PRKAG2: variants seen among roughly 807,000 people sequenced by gnomAD.
PRKAG2 encodes the protein 5'-AMP-activated protein kinase subunit gamma-2.
PRKAG2 carries 26 observed loss-of-function variants against 69.6 expected under a neutral mutation model. That is an observed-to-expected ratio of 0.37 (90% confidence interval 0.27 to 0.52). PRKAG2 has a LOEUF of 0.52. Ranked by LOEUF, PRKAG2 falls within the 20% of genes least tolerant of loss-of-function variation. The pLI is 0.90. For missense variants in PRKAG2, 557 were observed against 740.0 expected, an observed-to-expected ratio of 0.75 and a Z score of 2.87; for synonymous variants, 293 against 285.0, an observed-to-expected ratio of 1.03 and a Z score of -0.28.
At chr7:151,709,288 G>A (rs1839151598) in intron 3 of PRKAG2, among the ~76,000 whole-genome samples, 1 of 127,106 alleles carries the variant, frequency 7.9e-6, no homozygotes, top group Admixed American at 8.3e-5. Flanking sequence ...AGGGATGTAT[G>A]GTACTGTATG....
At chr7:151,560,489 A>T (rs1469136827) in intron 15 of PRKAG2, 35 bp downstream of exon 15, 8 of 1,613,832 alleles carry the variant, frequency 5.0e-6, no homozygotes, top group Non-Finnish European at 6.8e-6. Flanking sequence ...CCCTTCCTAG[A>T]CGCCGATGGC....
intron 6 of PRKAG2, among the ~76,000 whole-genome samples, chr7:151,578,334 ACT>A (rs1809497032): frequency 6.6e-6 from 1 of 152,176 alleles, no homozygotes; most frequent in Non-Finnish European, 1.5e-5. Flanking sequence ...GAAGAGTGAG[ACT>A]CTGTCTCAAA....
chr7:151,837,936 G>A (rs182885810), intron 1 of PRKAG2, among the ~76,000 whole-genome samples: 2 of 152,292 alleles, frequency 1.3e-5, no homozygotes, highest in Admixed American at 1.3e-4. Flanking sequence ...AGCGCTGGCT[G>A]GAAAGGACAC....
At chr7:151,766,911 G>C (rs2075761349) in intron 3 of PRKAG2, among the ~76,000 whole-genome samples, 2 of 152,134 alleles carry the variant, frequency 1.3e-5, no homozygotes, top group Admixed American at 1.3e-4. Context: ...GTTGAATTGT[G>C]TCCCTCCAAA....
In PRKAG2 at chr7:151,638,151, C is replaced by A. The variant is rs770514311; in HGVS notation, c.685-6013G>T. ...ATGGGCCAACCATGGCAGGGAGGAA[C>A]TGGGTTCTGCTAACAGCCTGGCACA... On this transcript the variant is annotated intron_variant, in intron 4 of 15. Transcript: ENST00000287878. The surrounding 1 kb of genome is among the most constrained non-coding windows in gnomAD (Gnocchi z 4.3). Among the ~76,000 whole-genome samples, 1 of 152,210 alleles carries A rather than the reference C, an allele frequency of 6.6e-6. No individual in the cohort carries two copies. Among genetic ancestry groups the A allele is most frequent in the Non-Finnish European group, 1.5e-5 (1 of 68,032 alleles).
In PRKAG2 at chr7:151,756,691, G is replaced by T. The variant is rs796267685; in HGVS notation, c.466+24461C>A. Among the ~76,000 whole-genome samples, 21 of 152,176 alleles carry T rather than the reference G, an allele frequency of 1.4e-4. No individual in the cohort carries two copies. The highest frequency in any genetic ancestry group is 5.1e-4 in the African/African-American group (21 of 41,510). On this transcript the variant is annotated intron_variant, in intron 3 of 15. Transcript: ENST00000287878. The surrounding 1 kb of genome is among the most constrained non-coding windows in gnomAD (Gnocchi z 4.9). ...TTCCAGCCCCGCCAGGGCTCCCAGC[G>T]CCGCCCTCTTCCCTTCTCCCACCTG...
At chr7:151,613,861 T>C (rs1819475760) in intron 5 of PRKAG2, among the ~76,000 whole-genome samples, 1 of 128,160 alleles carries the variant, frequency 7.8e-6, no homozygotes. Context: ...TGGAGTGCAG[T>C]GGACGATCTC....
chr7:151,804,897 T>C (rs2078024539), intron 1 of PRKAG2, among the ~76,000 whole-genome samples: 1 of 152,130 alleles, frequency 6.6e-6, no homozygotes, highest in African/African-American at 2.4e-5. Context: ...TTTTCTGGGA[T>C]GTCTATATCC....
chr7:151,713,594 T>C lies in PRKAG2; in HGVS notation c.467-37957A>G, dbSNP rs76749563. Reference sequence around the variant, plus strand: ...GTGTTTTTGCTTTTTTAATTTTTTTTTTTTTTTTGAGACAAAGTCTCGCTC... The same window carrying C: ...GTGTTTTTGCTTTTTTAATTTTTTTCTTTTTTTTGAGACAAAGTCTCGCTC... On this transcript the variant is annotated intron_variant, in intron 3 of 15. Transcript: ENST00000287878. 3.9e-3 allele frequency among the ~76,000 whole-genome samples: 595 copies of C among 151,688 alleles called. 12 individuals carry two copies. In the East Asian group the frequency reaches 0.05, roughly 13 times the overall value.
Position 151,614,279 on chromosome 7 carries a change from G to C in PRKAG2, c.754+17790C>G, listed in dbSNP as rs1469053059. 3.3e-5 allele frequency among the ~76,000 whole-genome samples: 5 copies of C among 152,126 alleles called. No homozygotes were observed. The highest frequency in any genetic ancestry group is 7.2e-5 in the African/African-American group (3 of 41,440). On this transcript the variant is annotated intron_variant, in intron 5 of 15. Transcript: ENST00000287878. The surrounding 1 kb of genome is among the most constrained non-coding windows in gnomAD (Gnocchi z 4.4). ...GAGGGTATCCTCAGGAGCTCGCAGGGGACATGGGGCAGGGGCTGGCACCCC... is the reference window on the plus strand; with the variant it reads ...GAGGGTATCCTCAGGAGCTCGCAGGCGACATGGGGCAGGGGCTGGCACCCC...
chr7:151,558,525 G>T, intron 15 of PRKAG2: 1 of 948,978 alleles, frequency 1.1e-6, no homozygotes, highest in Non-Finnish European at 1.3e-6. Flanking sequence ...GACAGCGCTC[G>T]GGTGGGACAG....
At chr7:151,810,583 T>C (rs937078742) in intron 1 of PRKAG2, 2 of 152,742 alleles carry the variant, frequency 1.3e-5, no homozygotes, top group African/African-American at 4.8e-5. Flanking sequence ...CGCAACACAG[T>C]AGTGGGGCAG....
chr7:151,860,286 G>A (rs539200820), intron 1 of PRKAG2, among the ~76,000 whole-genome samples: 369 of 152,336 alleles, frequency 2.4e-3, no homozygotes, highest in Admixed American at 6.9e-3. Context: ...CACAGGCTGG[G>A]CATGCTTTGC....
At chr7:151,679,957 T>G (rs1833589969) in intron 3 of PRKAG2, among the ~76,000 whole-genome samples, 1 of 151,458 alleles carries the variant, frequency 6.6e-6, no homozygotes, top group South Asian at 2.1e-4. Flanking sequence ...CTCAGCTACA[T>G]GGCGAGATTG....
chr7:151,563,925 C>T (rs1383015462), intron 14 of PRKAG2, among the ~76,000 whole-genome samples, 153 bp downstream of exon 14: 2 of 152,138 alleles, frequency 1.3e-5, no homozygotes. Flanking sequence ...AAGTAGTGTG[C>T]CAGGTTCTGG....
intron 1 of PRKAG2, among the ~76,000 whole-genome samples, chr7:151,845,996 A>T (rs2079422949): frequency 1.3e-5 from 2 of 152,178 alleles, no homozygotes; most frequent in Non-Finnish European, 2.9e-5. Context: ...AGCCCTCCTC[A>T]ACAGATGAGT....
intron 3 of PRKAG2, among the ~76,000 whole-genome samples, chr7:151,702,747 T>G (rs1189569719): frequency 6.6e-6 from 1 of 151,922 alleles, no homozygotes; most frequent in African/African-American, 2.4e-5. Flanking sequence ...ATGATCAGAG[T>G]GAAGGCCTGG....
At chr7:151,809,810 G>T (rs1439198153) in intron 1 of PRKAG2, 1 of 153,168 alleles carries the variant, frequency 6.5e-6, no homozygotes, top group Non-Finnish European at 1.5e-5. Flanking sequence ...GCTTATTGGT[G>T]AGAATATTTC....
intron 3 of PRKAG2, among the ~76,000 whole-genome samples, chr7:151,712,646 C>G (rs1688440168): frequency 6.6e-6 from 1 of 152,250 alleles, no homozygotes; most frequent in Non-Finnish European, 1.5e-5. Context: ...CACCCAGGCA[C>G]AATCAGGCTC....
Sources: gnomAD v4.1 joint callset for allele counts (sites outside exome capture counted in the v4.1 genomes callset) on GRCh38, gnomAD v4.1.1 for gene constraint, Gnocchi (gnomAD v3.1) non-coding constraint, MANE v1.5 for transcripts, NCBI Gene and HGNC (gene_info 2026-07-23, HGNC 2026-07-21) for gene names.